Variants in PPP2R2C observed in about 807,000 individuals in gnomAD.
PPP2R2C encodes the protein protein phosphatase 2 regulatory subunit Bgamma, also known as protein phosphatase 2, regulatory subunit B, gamma.
PPP2R2C carries 10 observed loss-of-function variants against 45.3 expected under a neutral mutation model. That is an observed-to-expected ratio of 0.22 (90% CI 0.14 to 0.37). PPP2R2C has a LOEUF of 0.37. PPP2R2C is among the 10% of genes least tolerant of loss of function. PPP2R2C has a pLI of 1.00. For missense variants in PPP2R2C, 308 were observed against 619.7 expected (o/e 0.50, Z 5.34); for synonymous variants, 257 against 245.4 (o/e 1.05, Z -0.44).
chr4:6,345,603 G>A lies in PPP2R2C; in HGVS notation c.790+2243C>T, dbSNP rs879733889. On this transcript the variant is annotated intron_variant, in intron 6 of 8. Coordinates refer to ENST00000382599, the MANE Select transcript of PPP2R2C (RefSeq NM_020416.4). This position sits in a 1 kb window ranked among gnomAD's most constrained non-coding sequence, Gnocchi z 5.3. ...GCTGGGAGGATGGGGGAGGGGCCACGTGCCAGGGAACGCAGCGCCTCTAGA... is the reference window on the plus strand; with the variant it reads ...GCTGGGAGGATGGGGGAGGGGCCACATGCCAGGGAACGCAGCGCCTCTAGA... 2.0e-4 allele frequency among the ~76,000 whole-genome samples: 30 copies of A among 152,150 alleles called. No individual in the cohort carries two copies. The highest frequency in any genetic ancestry group is 3.7e-4 in the Non-Finnish European group (25 of 68,010).
At chr4:6,527,948 C>A (rs1174490246) in intron 2 of PPP2R2C, among the ~76,000 whole-genome samples, 1 of 152,214 alleles carries the variant, frequency 6.6e-6, no homozygotes, top group Non-Finnish European at 1.5e-5. Flanking sequence ...AGCCCGTGAG[C>A]CCAGACTCCA....
chr4:6,376,682 G>C (rs1040462650), intron 3 of PPP2R2C, among the ~76,000 whole-genome samples: 3 of 152,070 alleles, frequency 2.0e-5, no homozygotes, highest in African/African-American at 7.2e-5. Flanking sequence ...TCAAACTTCT[G>C]GGCTCAAGTA....
intron 6 of PPP2R2C, 44 bp downstream of exon 6, chr4:6,347,802 C>G: frequency 2.1e-6 from 3 of 1,430,956 alleles, no homozygotes; most frequent in Non-Finnish European, 2.8e-6. Context: ...CACCCGCCCG[C>G]CTGCCCAATG....
intron 6 of PPP2R2C, among the ~76,000 whole-genome samples, chr4:6,340,883 T>C (rs4689409): frequency 1 from 152,297 of 152,384 alleles, 76,106 homozygotes; most frequent in East Asian, 1. Context: ...CTCCAGCCTC[T>C]GTATCCAGCC....
At chr4:6,410,881 AT>A (rs1364000373) in intron 1 of PPP2R2C, among the ~76,000 whole-genome samples, 5 of 147,642 alleles carry the variant, frequency 3.4e-5, no homozygotes, top group African/African-American at 1.3e-4. Flanking sequence ...TTATTTATTT[AT>A]TTATTAGACA....
rs1577203000 is a variant in PPP2R2C, at chr4:6,464,177, T to C, written c.70+7983A>G. Among the ~76,000 whole-genome samples, 3 of 152,216 alleles carry C rather than the reference T, an allele frequency of 2.0e-5. No homozygotes were observed. In the East Asian group the frequency reaches 5.8e-4, roughly 29 times the overall value. ...CCAATGAGATGCACGCAGCCTCATG[T>C]CCAGCATATAGTATTATAGTACATA... On this transcript the variant is annotated intron_variant, in intron 1 of 8. Transcript: ENST00000382599.
chr4:6,508,936 A>G (rs1723333238), intron 2 of PPP2R2C, among the ~76,000 whole-genome samples: 1 of 152,200 alleles, frequency 6.6e-6, no homozygotes, highest in Non-Finnish European at 1.5e-5. Context: ...GTCAAACAGC[A>G]CACTTGGCCC....
At chr4:6,413,429 G>A (rs1330967073) in intron 1 of PPP2R2C, among the ~76,000 whole-genome samples, 3 of 152,214 alleles carry the variant, frequency 2.0e-5, no homozygotes, top group African/African-American at 7.2e-5. Flanking sequence ...AGCTACTCGG[G>A]GTCAGAGCCT....
intron 5 of PPP2R2C, among the ~76,000 whole-genome samples, chr4:6,371,580 T>C (rs759123076): frequency 2.2e-4 from 33 of 152,018 alleles, no homozygotes; most frequent in Non-Finnish European, 4.3e-4. Flanking sequence ...GGCAGTGTGG[T>C]ATGGAGGTTA....
At chr4:6,326,024 G>A (rs1209480673) in intron 8 of PPP2R2C, among the ~76,000 whole-genome samples, 6 of 152,092 alleles carry the variant, frequency 3.9e-5, no homozygotes, top group Admixed American at 6.5e-5. Flanking sequence ...CCCTGTGAGC[G>A]GTCAATCACA....
intron 1 of PPP2R2C, chr4:6,381,332 A>AG: frequency 6.6e-7 from 1 of 1,513,158 alleles, no homozygotes; most frequent in Non-Finnish European, 8.8e-7. Flanking sequence ...GACTTGGCAC[A>AG]GGCCTGGGGC....
chr4:6,358,886 C>T (rs1385517910), intron 5 of PPP2R2C, among the ~76,000 whole-genome samples: 2 of 152,240 alleles, frequency 1.3e-5, no homozygotes, highest in African/African-American at 4.8e-5. Context: ...AACGCTTTTA[C>T]ACTGTTGGTG....
intron 6 of PPP2R2C, 126 bp downstream of exon 6, chr4:6,347,720 C>T (rs1712126477): frequency 3.1e-6 from 4 of 1,280,050 alleles, no homozygotes; most frequent in Non-Finnish European, 4.2e-6. Flanking sequence ...GGCCCACCCA[C>T]CTTGGCCAGT....
chr4:6,512,805 G>C (rs988722107), intron 2 of PPP2R2C, among the ~76,000 whole-genome samples: 1 of 151,834 alleles, frequency 6.6e-6, no homozygotes, highest in Non-Finnish European at 1.5e-5. Context: ...CAGTGTCCAG[G>C]GTGGCACTTG....
At chr4:6,563,692 C>G (rs1403209875), upstream of PPP2R2C, 12 of 122,056 alleles carry the variant, frequency 9.8e-5, no homozygotes, top group East Asian at 2.1e-3. This position sits in a 1 kb window ranked among gnomAD's most constrained non-coding sequence, Gnocchi z 5.8. Flanking sequence ...GAGCGCGGGC[C>G]CGGGGCGGGG....
At chr4:6,545,714 T>C (rs1433995472) in intron 1 of PPP2R2C, among the ~76,000 whole-genome samples, 2 of 152,228 alleles carry the variant, frequency 1.3e-5, no homozygotes, top group Non-Finnish European at 2.9e-5. Flanking sequence ...TGCCTGACTC[T>C]TGTTAGCTGG....
upstream of PPP2R2C, among the ~76,000 whole-genome samples, chr4:6,473,880 G>A (rs1376692920): frequency 6.6e-6 from 1 of 152,194 alleles, no homozygotes; most frequent in South Asian, 2.1e-4. Flanking sequence ...ATGAGGAGAT[G>A]AAAGCCCCCC....
intron 3 of PPP2R2C, 145 bp from the exon 4 acceptor site, chr4:6,376,076 G>T: frequency 1.5e-6 from 1 of 676,674 alleles, no homozygotes; most frequent in Non-Finnish European, 2.5e-6. Context: ...CAGAACTGCA[G>T]CTCTGTCTCG....
chr4:6,455,188 A>C (rs1432377200), intron 1 of PPP2R2C, among the ~76,000 whole-genome samples: 1 of 152,136 alleles, frequency 6.6e-6, no homozygotes, highest in East Asian at 1.9e-4. Flanking sequence ...CCAAACAAAA[A>C]TGTTTTGCCC....
Sources: allele counts gnomAD v4.1 joint callset (sites outside exome capture counted in the v4.1 genomes callset), GRCh38; gene constraint gnomAD v4.1.1; non-coding constraint Gnocchi (gnomAD v3.1); transcripts MANE v1.5; gene names NCBI Gene and HGNC (gene_info 2026-07-23, HGNC 2026-07-21).